GRAPL: variants seen among roughly 807,000 people sequenced by gnomAD.
The protein encoded by GRAPL is GRB2-related adapter protein-like.
intron 3 of GRAPL, among the ~76,000 whole-genome samples, chr17:19,144,548 CAT>C (rs1444175102): frequency 7.0e-6 from 1 of 143,390 alleles, no homozygotes; most frequent in South Asian, 2.5e-4. Flanking sequence ...CACACACAAG[CAT>C]CCCAGGAATG....
Position 19,148,669 on chromosome 17 carries a change from G to A in GRAPL, c.300-9650G>A, listed in dbSNP as rs1200871822. On this transcript the variant is annotated intron_variant, in intron 3 of 3. Transcript: ENST00000344415. ...CGCCTGTAATCCCAGCACTTTGGGA[G>A]GCTGAGGCGGGTGGATCACGAGGTC... is the stretch of plus-strand genomic sequence containing the variant. Among the ~76,000 whole-genome samples, 4 of 31,686 alleles carry A rather than the reference G, an allele frequency of 1.3e-4. No homozygotes were observed. The Admixed American group carries it at 1.4e-3, about 11-fold the overall frequency. The allele number at this position is 31,686 out of a possible 152,430, so 20.8% of individuals were successfully genotyped here. A position where few individuals can be genotyped will look rare whatever the true frequency, so the allele number is the denominator to read the frequency against.
chr17:19,144,118 C>T (rs1470415515), intron 3 of GRAPL: 1 of 93,144 alleles, frequency 1.1e-5, no homozygotes, highest in South Asian at 1.9e-4. Flanking sequence ...CAAACTGAGG[C>T]CAGAGAGGGG....
chr17:19,149,298 C>T (rs1242357446), intron 3 of GRAPL, among the ~76,000 whole-genome samples: 1 of 79,554 alleles, frequency 1.3e-5, no homozygotes, highest in Non-Finnish European at 1.9e-5. Flanking sequence ...CACTGCACTC[C>T]AGCCTGGGCA....
chr17:19,147,046 TGTGTGCGCGCGC>T lies in GRAPL; in HGVS notation c.299+8460_299+8471del, dbSNP rs1270787216. 4.1e-4 allele frequency among the ~76,000 whole-genome samples: 51 copies of T among 125,682 alleles called. 1 individual carries two copies. In the East Asian group the frequency reaches 0.019, roughly 46 times the overall value. 82.5% of individuals were successfully genotyped at this position (125,682 alleles called of 152,430 possible). The stretch of plus-strand genomic sequence containing the variant: ...GTGTGTGTGTGTGTGTGTGTGTGTG[TGTGTGCGCGCGC>T]GCGCGCGTGCATGTGTCCCATCAAG... On this transcript the variant is annotated intron_variant, in intron 3 of 3. Transcript: ENST00000344415.
chr17:19,148,907 CAA>C (rs1177333542), intron 3 of GRAPL, among the ~76,000 whole-genome samples: 12 of 78,638 alleles, frequency 1.5e-4, no homozygotes, highest in Middle Eastern at 7.4e-3. Context: ...GACCACGCCT[CAA>C]AAAAAAAAAA....
At chr17:19,149,633 T>C (rs2044723042) in intron 3 of GRAPL, among the ~76,000 whole-genome samples, 1 of 108,624 alleles carries the variant, frequency 9.2e-6, no homozygotes, top group African/African-American at 5.9e-5. Context: ...TGGTGGTGCA[T>C]GCCTGTAATC....
At chr17:19,146,998 C>A (rs1258038048) in intron 3 of GRAPL, among the ~76,000 whole-genome samples, 2 of 107,908 alleles carry the variant, frequency 1.9e-5, no homozygotes, top group South Asian at 4.9e-4. Context: ...TTTCAATTTA[C>A]AACCCAGGAG....
intron 3 of GRAPL, among the ~76,000 whole-genome samples, chr17:19,149,295 C>A (rs1195194498): frequency 2.3e-5 from 2 of 86,760 alleles, no homozygotes; most frequent in African/African-American, 8.1e-5. Context: ...TGCCACTGCA[C>A]TCCAGCCTGG....
In GRAPL at chr17:19,147,016, GGTGTGTGTGTGTGTGT is replaced by G. The variant is rs764286470; in HGVS notation, c.299+8448_299+8463del. Among the ~76,000 whole-genome samples the G allele has an allele frequency of 6.1e-5, 6 of 98,538 alleles. 1 individual carries two copies. The highest frequency in any genetic ancestry group is 4.5e-4 in the Admixed American group (4 of 8,810). 64.6% of individuals were successfully genotyped at this position (98,538 alleles called of 152,430 possible). On this transcript the variant is annotated intron_variant, in intron 3 of 3. Transcript: ENST00000344415. Reference sequence around the variant, plus strand: ...CAATTTACAACCCAGGAGAGGTAGGGGTGTGTGTGTGTGTGTGTGTGTGTGTGTGTGTGTGCGCGCG... The same window carrying G: ...CAATTTACAACCCAGGAGAGGTAGGGGTGTGTGTGTGTGTGTGTGCGCGCG...
In GRAPL at chr17:19,144,154, G is replaced by A. The variant is rs762462126; in HGVS notation, c.299+5566G>A. The stretch of plus-strand genomic sequence containing the variant: ...CCATGCCTGATGGAGATCGCCCAGC[G>A]GGCAGTTAGCACCCAGGTGGGTCCA... On this transcript the variant is annotated intron_variant, in intron 3 of 3. Coordinates refer to ENST00000344415, the MANE Select transcript of GRAPL (RefSeq NM_001129778.3). 35 of 111,162 alleles carry A rather than the reference G, an allele frequency of 3.1e-4. No individual in the cohort carries two copies. In the East Asian group the frequency reaches 0.01, roughly 32 times the overall value. 6.9% of individuals were successfully genotyped at this position (111,162 alleles called of 1,614,324 possible). A position where few individuals can be genotyped will look rare whatever the true frequency, so the allele number is the denominator to read the frequency against.
At position 19,149,328 on chromosome 17, in the gene GRAPL, C is replaced by CA. The variant is rs1169593968; in HGVS notation, c.300-8963dup. ...TGGGCAACAGAGCAAGACTCTGTCT[C>CA]AAAAAAAAAAAAAAAAAAAAAAAAA... On this transcript the variant is annotated intron_variant, in intron 3 of 3. Transcript: ENST00000344415. Among the ~76,000 whole-genome samples, 30 of 12,630 alleles carry CA rather than the reference C, an allele frequency of 2.4e-3. 7 individuals are homozygous for CA. The highest frequency in any genetic ancestry group is 0.14 in the East Asian group (2 of 14). 8.3% of individuals were successfully genotyped at this position (12,630 alleles called of 152,430 possible).
intron 3 of GRAPL, among the ~76,000 whole-genome samples, chr17:19,149,031 G>C (rs2044715823): frequency 7.6e-6 from 1 of 131,686 alleles, no homozygotes; most frequent in Non-Finnish European, 1.6e-5. Context: ...GACGGGAAAT[G>C]AGAGAGAAAA....
At chr17:19,147,080 C>G (rs1420382332) in intron 3 of GRAPL, among the ~76,000 whole-genome samples, 1 of 140,876 alleles carries the variant, frequency 7.1e-6, no homozygotes, top group Non-Finnish European at 1.5e-5. Flanking sequence ...TGTGTCCCAT[C>G]AAGGCATCAA....
At chr17:19,147,016 GGTGTGTGTGTGTGTGTGTGT>G (rs764286470) in intron 3 of GRAPL, among the ~76,000 whole-genome samples, 8 of 98,538 alleles carry the variant, frequency 8.1e-5, no homozygotes, top group Non-Finnish European at 1.2e-4. Context: ...GAGAGGTAGG[GGTGTGTGTGTGTGTGTGTGT>G]GTGTGTGTGT....
intron 3 of GRAPL, among the ~76,000 whole-genome samples, chr17:19,147,015 G>C (rs1360619892): frequency 3.1e-5 from 3 of 97,108 alleles, no homozygotes; most frequent in Non-Finnish European, 5.4e-5. Context: ...GGAGAGGTAG[G>C]GGTGTGTGTG....
At chr17:19,149,624 G>A (rs1258990696) in intron 3 of GRAPL, among the ~76,000 whole-genome samples, 1 of 109,070 alleles carries the variant, frequency 9.2e-6, no homozygotes, top group Non-Finnish European at 1.6e-5. Context: ...ACCTGGGCAT[G>A]GTGGTGCATG....
At chr17:19,152,038 C>T (rs12601115) in intron 3 of GRAPL, among the ~76,000 whole-genome samples, 2 of 141,620 alleles carry the variant, frequency 1.4e-5, no homozygotes, top group East Asian at 1.9e-4. Context: ...GCATGCACCA[C>T]CATGCCCAGA....
chr17:19,148,865 G>A lies in GRAPL; in HGVS notation c.300-9454G>A, dbSNP rs1352587581. ...GGAGCTTGCAGTGAGCCGAGATAGC[G>A]CCATTGCACTCTAGCCTGGGTGACA... On this transcript the variant is annotated intron_variant, in intron 3 of 3. Transcript: ENST00000344415. 4.2e-5 allele frequency among the ~76,000 whole-genome samples: 5 copies of A among 120,054 alleles called. 1 individual carries two copies. The highest frequency in any genetic ancestry group is 6.8e-5 in the Non-Finnish European group (4 of 58,506). The allele number at this position is 120,054 out of a possible 152,430, so 78.8% of individuals were successfully genotyped here. A position where few individuals can be genotyped will look rare whatever the true frequency, so the allele number is the denominator to read the frequency against.
rs551288569 is a variant in GRAPL, at chr17:19,147,095, T to C, written c.299+8507T>C. 5.8e-4 allele frequency among the ~76,000 whole-genome samples: 82 copies of C among 142,494 alleles called. 8 individuals are homozygous for C. In the South Asian group the frequency reaches 0.01, roughly 18 times the overall value. The allele number at this position is 142,494 out of a possible 152,430, so 93.5% of individuals were successfully genotyped here. A position where few individuals can be genotyped will look rare whatever the true frequency, so the allele number is the denominator to read the frequency against. ...TGTGTCCCATCAAGGCATCAAGTGC[T>C]TTGGACTGGTGGTTGGATCTCATTT... On this transcript the variant is annotated intron_variant, in intron 3 of 3. Coordinates refer to ENST00000344415, the MANE Select transcript of GRAPL (RefSeq NM_001129778.3).
Sources: allele counts gnomAD v4.1 joint callset (sites outside exome capture counted in the v4.1 genomes callset), GRCh38; gene constraint gnomAD v4.1.1; transcripts MANE v1.5; gene names NCBI Gene and HGNC (gene_info 2026-07-23, HGNC 2026-07-21).